The following ZNF804A variants were observed in gnomAD, a reference collection of about 807,000 sequenced individuals.
ZNF804A encodes the protein zinc finger protein 804A.
A neutral mutation model predicts 16.5 loss-of-function variants in ZNF804A; 2 were observed. The ratio of observed to expected loss-of-function variants is 0.12; its 90% CI spans 0.05 to 0.38. The LOEUF is 0.38. Among genes scored for constraint, ZNF804A ranks in the 10% least tolerant of loss-of-function variants. The probability of loss-of-function intolerance (pLI) is 0.99; values close to 1 mark genes in which losing one functional copy is unlikely to be tolerated. For missense variants in ZNF804A, 1,473 were observed against 1,390.7 expected (o/e 1.06, Z -0.94); for synonymous variants, 534 against 489.6 (o/e 1.09, Z -1.20).
chr2:184,651,644 CACT>C (rs1691985839), intron 1 of ZNF804A, among the ~76,000 whole-genome samples: 1 of 151,954 alleles, frequency 6.6e-6, no homozygotes. Flanking sequence ...TAGGAACAGA[CACT>C]ACTCAAAAGA....
intron 1 of ZNF804A, among the ~76,000 whole-genome samples, chr2:184,604,145 A>C (rs1179574724): frequency 5.7e-5 from 3 of 52,286 alleles, no homozygotes; most frequent in South Asian, 8.4e-4. Context: ...GACTGCAATT[A>C]CTTTTTTTTT....
chr2:184,673,572 G>C (rs749080683), intron 1 of ZNF804A, among the ~76,000 whole-genome samples: 4 of 152,148 alleles, frequency 2.6e-5, no homozygotes, highest in Non-Finnish European at 5.9e-5. Flanking sequence ...GCAGGAAAGA[G>C]GGTACAATAA....
intron 1 of ZNF804A, among the ~76,000 whole-genome samples, chr2:184,712,510 A>G (rs966341434): frequency 6.6e-5 from 10 of 151,552 alleles, no homozygotes; most frequent in African/African-American, 2.2e-4. Flanking sequence ...TGTAAGTTAA[A>G]CTTTTGGTTG....
Position 184,598,924 on chromosome 2 carries a change from AGCGGCGGCTGCGGCGGAGGAG to A in ZNF804A, c.-24_-4del. ...CGGCTGTGGGCGCGGGGTGCGTGGA[AGCGGCGGCTGCGGCGGAGGAG>A]GCGGCGGCTGCCCCATGGAGTGTTA... On this transcript the variant is annotated 5_prime_UTR_variant, in exon 1 of 4. Transcript: ENST00000302277. The A allele has an allele frequency of 7.0e-7, 1 of 1,438,126 alleles. No individual in the cohort carries two copies. 89.1% of individuals were successfully genotyped at this position (1,438,126 alleles called of 1,614,324 possible). A position where few individuals can be genotyped will look rare whatever the true frequency, so the allele number is the denominator to read the frequency against.
intron 1 of ZNF804A, among the ~76,000 whole-genome samples, chr2:184,602,553 T>A (rs1179609660): frequency 2.0e-5 from 3 of 152,056 alleles, no homozygotes; most frequent in Non-Finnish European, 4.4e-5. Context: ...ACAAAGTTTG[T>A]CTTAATTATA....
Position 184,937,294 on chromosome 2 carries a change from A to T in ZNF804A, c.1898A>T (p.Tyr633Phe), listed in dbSNP as rs1685808013. The change falls in exon 4 of 4, where the codon TAT becomes TTT. Residue 633 changes from tyrosine (Y) to phenylalanine (F), a missense_variant. Physicochemically the swap from Tyr to Phe is conservative, Grantham distance 22. Coordinates refer to ENST00000302277, the MANE Select transcript of ZNF804A (RefSeq NM_194250.2). ...AGTTACACTGAAAATGCTGGGAAAT[A>T]TCTATTGGAACCAATTTCAGAAAAG... is the stretch of plus-strand genomic sequence containing the variant. ...ENSYTENAGKYLLEPISEKQY... is the reference protein window; with the variant it reads ...ENSYTENAGKFLLEPISEKQY... 6.2e-7 allele frequency: 1 copy of T among 1,613,880 alleles called. No homozygotes were observed.
At chr2:184,914,343 C>A (rs1221937528) in intron 2 of ZNF804A, among the ~76,000 whole-genome samples, 1 of 152,092 alleles carries the variant, frequency 6.6e-6, no homozygotes, top group African/African-American at 2.4e-5. Context: ...GGCTTAGAAG[C>A]CCCTCAAGAA....
intron 1 of ZNF804A, among the ~76,000 whole-genome samples, chr2:184,781,670 G>C (rs551850422): frequency 6.6e-6 from 1 of 151,856 alleles, no homozygotes; most frequent in African/African-American, 2.4e-5. Flanking sequence ...CCTTATCTAA[G>C]CTCATCTGTG....
intron 1 of ZNF804A, among the ~76,000 whole-genome samples, chr2:184,755,320 A>G (rs1177611439): frequency 6.6e-6 from 1 of 151,918 alleles, no homozygotes; most frequent in Non-Finnish European, 1.5e-5. Context: ...CCAACTTTCT[A>G]TAATATGATT....
At chr2:184,614,271 A>G (rs1264576135) in intron 1 of ZNF804A, among the ~76,000 whole-genome samples, 1 of 152,218 alleles carries the variant, frequency 6.6e-6, no homozygotes, top group African/African-American at 2.4e-5. Context: ...TACACCTTAT[A>G]CAAAAATTAA....
At chr2:184,782,696 G>GATAT (rs150620074) in intron 1 of ZNF804A, among the ~76,000 whole-genome samples, 48 of 142,728 alleles carry the variant, frequency 3.4e-4, no homozygotes, top group African/African-American at 1.2e-3. Flanking sequence ...CTATATATAG[G>GATAT]ATATATATAT....
chr2:184,923,254 A>G (rs924890337), intron 2 of ZNF804A, among the ~76,000 whole-genome samples: 3 of 151,888 alleles, frequency 2.0e-5, no homozygotes, highest in Non-Finnish European at 4.4e-5. Flanking sequence ...TTTTTATTGT[A>G]TAAATCTTTT....
intron 1 of ZNF804A, among the ~76,000 whole-genome samples, chr2:184,623,486 G>A (rs1691449002): frequency 6.6e-6 from 1 of 151,984 alleles, no homozygotes; most frequent in African/African-American, 2.4e-5. Flanking sequence ...AATTAAGGGT[G>A]GGTCACATTT....
intron 1 of ZNF804A, among the ~76,000 whole-genome samples, chr2:184,859,006 T>G (rs971501849): frequency 6.6e-6 from 1 of 152,208 alleles, no homozygotes; most frequent in African/African-American, 2.4e-5. Context: ...GTAAGTGCTC[T>G]GCTGAGAAAT....
chr2:184,816,046 G>A (rs1694977521), intron 1 of ZNF804A, among the ~76,000 whole-genome samples: 1 of 151,998 alleles, frequency 6.6e-6, no homozygotes, highest in South Asian at 2.1e-4. Context: ...TGAACACAGA[G>A]CCAGGAACAT....
chr2:184,678,113 CTGT>C (rs1398360729), intron 1 of ZNF804A, among the ~76,000 whole-genome samples: 1 of 151,962 alleles, frequency 6.6e-6, no homozygotes, highest in Non-Finnish European at 1.5e-5. Flanking sequence ...CTCATTTTCA[CTGT>C]TGTTTTAATA....
At chr2:184,666,334 T>A (rs553302382) in intron 1 of ZNF804A, among the ~76,000 whole-genome samples, 2 of 152,100 alleles carry the variant, frequency 1.3e-5, no homozygotes, top group Non-Finnish European at 2.9e-5. Flanking sequence ...GAAAAACAGA[T>A]TCATTTCAAA....
At chr2:184,736,822 T>TC (rs1031706644) in intron 1 of ZNF804A, among the ~76,000 whole-genome samples, 2 of 151,952 alleles carry the variant, frequency 1.3e-5, no homozygotes, top group African/African-American at 2.4e-5. Flanking sequence ...ATAAGTTTTT[T>TC]CTCTTCCCTT....
At chr2:184,785,358 T>C (rs1694431708) in intron 1 of ZNF804A, among the ~76,000 whole-genome samples, 2 of 152,078 alleles carry the variant, frequency 1.3e-5, no homozygotes, top group Non-Finnish European at 2.9e-5. Flanking sequence ...GTGCAATTAA[T>C]GTAATGAAGT....
Sources: allele counts gnomAD v4.1 joint callset (sites outside exome capture counted in the v4.1 genomes callset), GRCh38; gene constraint gnomAD v4.1.1; transcripts MANE v1.5; gene names NCBI Gene and HGNC (gene_info 2026-07-23, HGNC 2026-07-21).